ITPK1: variants seen among roughly 807,000 people sequenced by gnomAD.
ITPK1 encodes inositol 1,3,4-trisphosphate 5/6-kinase.
In ITPK1, 21 loss-of-function variants were observed where a neutral mutation model predicts 45.3. The ratio of observed to expected loss-of-function variants is 0.46; its 90% confidence interval spans 0.33 to 0.67. The LOEUF is 0.67. Ranked by LOEUF, ITPK1 falls within the 30% of genes least tolerant of loss-of-function variation. The pLI, the probability that ITPK1 is intolerant of heterozygous loss-of-function variation, is 0.02. For synonymous variants in ITPK1, 258 were observed against 253.6 expected, an observed-to-expected ratio of 1.02 and a Z score of -0.16; for missense variants, 474 against 573.5, an observed-to-expected ratio of 0.83 and a Z score of 1.77.
intron 3 of ITPK1, among the ~76,000 whole-genome samples, chr14:93,026,008 C>T (rs1017707422): frequency 6.6e-6 from 1 of 152,112 alleles, no homozygotes; most frequent in Non-Finnish European, 1.5e-5. Flanking sequence ...ACCACGCCCA[C>T]GCCTGTCATC....
At chr14:92,986,493 A>T (rs60258091) in intron 5 of ITPK1, among the ~76,000 whole-genome samples, 36,439 of 152,148 alleles carry the variant, frequency 0.24, 4,850 homozygotes, top group African/African-American at 0.34. Context: ...AGTGCCCTAG[A>T]AAAGTGATCG....
chr14:92,976,618 G>A (rs1885955732), intron 5 of ITPK1, among the ~76,000 whole-genome samples: 1 of 152,246 alleles, frequency 6.6e-6, no homozygotes, highest in Admixed American at 6.5e-5. Flanking sequence ...AGGGCTTAAT[G>A]TCAACAATAA....
intron 4 of ITPK1, among the ~76,000 whole-genome samples, chr14:93,006,332 T>C (rs1373587913): frequency 6.6e-6 from 1 of 152,122 alleles, no homozygotes; most frequent in African/African-American, 2.4e-5. Context: ...ACAGAATGAA[T>C]ATAGAATAAG....
At chr14:93,001,008 G>A (rs191290872) in intron 4 of ITPK1, among the ~76,000 whole-genome samples, 246 of 148,908 alleles carry the variant, frequency 1.7e-3, no homozygotes, top group Middle Eastern at 3.6e-3. Context: ...GGCTGGGCAC[G>A]GTGGCTCACG....
chr14:93,043,115 G>A (rs1422058244), intron 3 of ITPK1, among the ~76,000 whole-genome samples: 1 of 152,044 alleles, frequency 6.6e-6, no homozygotes, highest in Non-Finnish European at 1.5e-5. Context: ...ACACTTTGGG[G>A]AAAACCCTTA....
chr14:92,974,909 G>A (rs552349231), intron 5 of ITPK1, among the ~76,000 whole-genome samples: 15 of 152,358 alleles, frequency 9.8e-5, no homozygotes, highest in African/African-American at 3.4e-4. Flanking sequence ...TGTGAGAGAA[G>A]GCCAGGCCCT....
intron 10 of ITPK1, among the ~76,000 whole-genome samples, chr14:92,942,229 G>A (rs1176021138): frequency 6.6e-6 from 1 of 152,176 alleles, no homozygotes; most frequent in African/African-American, 2.4e-5. Context: ...CCATCCACTT[G>A]CATGGTAAAA....
chr14:93,017,403 G>A (rs1888235422), intron 3 of ITPK1, among the ~76,000 whole-genome samples: 1 of 152,242 alleles, frequency 6.6e-6, no homozygotes, highest in Admixed American at 6.5e-5. Context: ...GCGTAGGGCT[G>A]CCTGCAATCT....
chr14:93,021,808 G>A (rs1433326732), intron 3 of ITPK1, among the ~76,000 whole-genome samples: 2 of 152,038 alleles, frequency 1.3e-5, no homozygotes, highest in African/African-American at 4.8e-5. Context: ...CAGCAGGCTG[G>A]GACAAGGATG....
chr14:92,952,457 T>C (rs924110478), intron 8 of ITPK1, among the ~76,000 whole-genome samples: 3 of 152,136 alleles, frequency 2.0e-5, no homozygotes, highest in Non-Finnish European at 2.9e-5. Flanking sequence ...TTGGGGAACA[T>C]GCTAGAGACA....
chr14:92,955,822 G>A (rs1310595805), intron 8 of ITPK1, among the ~76,000 whole-genome samples: 1 of 152,230 alleles, frequency 6.6e-6, no homozygotes, highest in Non-Finnish European at 1.5e-5. Context: ...ATGTCATTGG[G>A]CAAAGGAAAT....
chr14:92,994,845 G>C (rs1886970337), intron 4 of ITPK1, among the ~76,000 whole-genome samples: 1 of 152,210 alleles, frequency 6.6e-6, no homozygotes. Flanking sequence ...TTCAGCATTT[G>C]TGAACGTGGC....
intron 5 of ITPK1, among the ~76,000 whole-genome samples, chr14:92,986,337 G>A (rs1886482936): frequency 6.6e-6 from 1 of 152,224 alleles, no homozygotes; most frequent in South Asian, 2.1e-4. Context: ...GGGGAGCCAG[G>A]AGACTCAGTG....
intron 3 of ITPK1, among the ~76,000 whole-genome samples, chr14:93,037,400 G>A (rs1889369032): frequency 6.6e-6 from 1 of 152,232 alleles, no homozygotes; most frequent in Admixed American, 6.5e-5. Flanking sequence ...GTTATTAAAG[G>A]TATTTCAAGG....
At chr14:93,091,334 A>G (rs1045774345) in intron 2 of ITPK1, among the ~76,000 whole-genome samples, 1 of 152,190 alleles carries the variant, frequency 6.6e-6, no homozygotes, top group Non-Finnish European at 1.5e-5. Flanking sequence ...AGGGCCAGAC[A>G]GCTCCCACAG....
intron 4 of ITPK1, among the ~76,000 whole-genome samples, chr14:93,011,169 G>A (rs183324262): frequency 1.3e-5 from 2 of 152,244 alleles, no homozygotes. Context: ...CAGACACTGA[G>A]AGCCAGCATA....
chr14:92,981,563 G>A (rs1886230741), intron 5 of ITPK1, among the ~76,000 whole-genome samples: 1 of 152,170 alleles, frequency 6.6e-6, no homozygotes, highest in Non-Finnish European at 1.5e-5. Flanking sequence ...CCATGGGAGT[G>A]GGATTTCTGC....
rs139036085 is a variant in ITPK1, at chr14:92,978,810, C to T, written c.364+15070G>A. Among the ~76,000 whole-genome samples the T allele has an allele frequency of 8.7e-3, 1,325 of 152,320 alleles. 11 individuals carry two copies. The highest frequency in any genetic ancestry group is 0.018 in the South Asian group (89 of 4,832). On this transcript the variant is annotated intron_variant, in intron 5 of 10. Coordinates refer to ENST00000267615, the MANE Select transcript of ITPK1 (RefSeq NM_014216.6). ...TGGATGTCCAGACAGAAGTCTGCTGCAAGGGTGGAGCCCTCATGGAAAACC... is the reference window on the plus strand; with the variant it reads ...TGGATGTCCAGACAGAAGTCTGCTGTAAGGGTGGAGCCCTCATGGAAAACC...
intron 8 of ITPK1, among the ~76,000 whole-genome samples, chr14:92,956,685 G>A (rs1884750108): frequency 3.3e-5 from 5 of 152,166 alleles, no homozygotes; most frequent in Non-Finnish European, 7.4e-5. Context: ...AGTGACCTGG[G>A]TAAAAACAGA....
Sources: allele counts gnomAD v4.1 joint callset (sites outside exome capture counted in the v4.1 genomes callset), GRCh38; gene constraint gnomAD v4.1.1; transcripts MANE v1.5; gene names NCBI Gene and HGNC (gene_info 2026-07-23, HGNC 2026-07-21).